ACCSL: variants seen among roughly 807,000 people sequenced by gnomAD.
ACCSL encodes the protein 1-aminocyclopropane-1-carboxylate synthase homolog (inactive) like.
In ACCSL, 55 loss-of-function variants were observed where a neutral mutation model predicts 61.7. The observed-to-expected ratio is 0.89, with a 90% CI of 0.72 to 1.12. The LOEUF (loss-of-function observed/expected upper bound fraction) is 1.12, where lower values mean the gene tolerates loss of function less well. Among genes scored for constraint, ACCSL ranks in the 50% most tolerant of loss-of-function variants. The pLI is 0.00. For synonymous variants in ACCSL, 258 were observed against 264.3 expected (o/e 0.98, Z 0.23); for missense variants, 632 against 698.0 (o/e 0.91, Z 1.07).
At chr11:43,982,307 A>AACCTCC in the ACCSL span, among the ~76,000 whole-genome samples, 2 of 148,238 alleles carry the variant, frequency 1.3e-5, no homozygotes, top group Non-Finnish European at 3.0e-5. Context: ...GGCTCACTGA[A>AACCTCC]ACCTCCACCT....
chr11:43,974,586 T>C, the ACCSL span, among the ~76,000 whole-genome samples: 2 of 152,280 alleles, frequency 1.3e-5, no homozygotes, highest in African/African-American at 4.8e-5. Flanking sequence ...CACCATTCAA[T>C]CCCCAACACC....
At chr11:43,940,599 A>T in the ACCSL span, among the ~76,000 whole-genome samples, 1 of 151,074 alleles carries the variant, frequency 6.6e-6, no homozygotes, top group Non-Finnish European at 1.5e-5. Flanking sequence ...TGACCTTGTG[A>T]TCCGTCCGCC....
rs544210240 is a variant in ACCSL, at chr11:44,054,446, T to C, written c.1050-756T>C. On this transcript the variant is annotated intron_variant, in intron 8 of 13. Transcript: ENST00000378832. Reference sequence around the variant, plus strand: ...ACCTTAGTTTCTTTTTTTCTTTCTTTCTTTTTTTTTTTTGTTTTTTGTTTT... The same window carrying C: ...ACCTTAGTTTCTTTTTTTCTTTCTTCCTTTTTTTTTTTTGTTTTTTGTTTT... Among the ~76,000 whole-genome samples, 567 of 114,536 alleles carry C rather than the reference T, an allele frequency of 5.0e-3. 4 individuals are homozygous for C. Among genetic ancestry groups the C allele is most frequent in the African/African-American group, 0.017 (535 of 30,674 alleles). The allele number at this position is 114,536 out of a possible 152,430, so 75.1% of individuals were successfully genotyped here.
At chr11:43,934,313 G>C in the ACCSL span, among the ~76,000 whole-genome samples, 9,780 of 152,114 alleles carry the variant, frequency 0.064, 767 homozygotes, top group African/African-American at 0.17. Flanking sequence ...TGTGTGGAGG[G>C]CCCCCTGGGG....
At chr11:43,935,258 G>GCA in the ACCSL span, among the ~76,000 whole-genome samples, 1 of 151,292 alleles carries the variant, frequency 6.6e-6, no homozygotes, top group Non-Finnish European at 1.5e-5. Context: ...GCACACACAC[G>GCA]CATACACACA....
the ACCSL span, among the ~76,000 whole-genome samples, chr11:43,934,800 G>GGGACACACT: frequency 2.6e-5 from 4 of 152,184 alleles, no homozygotes; most frequent in African/African-American, 9.7e-5. Flanking sequence ...TGTGCATCCT[G>GGGACACACT]GGACACACTG....
At chr11:43,943,427 C>A in the ACCSL span, 1 of 1,443,530 alleles carries the variant, frequency 6.9e-7, no homozygotes, top group Non-Finnish European at 9.2e-7. The surrounding 1 kb of genome is among the most constrained non-coding windows in gnomAD (Gnocchi z 4.8). Context: ...CGCTGCGAAC[C>A]GGTCGGTGCG....
At chr11:44,021,159 G>C in the ACCSL span, among the ~76,000 whole-genome samples, 1 of 152,098 alleles carries the variant, frequency 6.6e-6, no homozygotes, top group East Asian at 1.9e-4. Context: ...TGGATCAAAT[G>C]GTAGCTCTAG....
chr11:43,960,711 T>C, the ACCSL span, among the ~76,000 whole-genome samples: 1 of 152,194 alleles, frequency 6.6e-6, no homozygotes, highest in Non-Finnish European at 1.5e-5. Context: ...AAAGCAATAC[T>C]GCAGTTTGTC....
At chr11:44,043,058 C>G (rs145407785), upstream of ACCSL, among the ~76,000 whole-genome samples, 854 of 152,020 alleles carry the variant, frequency 5.6e-3, 11 homozygotes, top group African/African-American at 0.019. Context: ...ACTCCAGTCT[C>G]GGTGACAGAG....
At chr11:44,006,901 T>C in the ACCSL span, among the ~76,000 whole-genome samples, 2 of 152,168 alleles carry the variant, frequency 1.3e-5, no homozygotes, top group African/African-American at 2.4e-5. Flanking sequence ...TTATTATTTT[T>C]AGCGATGTTC....
upstream of ACCSL, among the ~76,000 whole-genome samples, chr11:44,043,389 C>A (rs1026979902): frequency 5.3e-5 from 8 of 152,188 alleles, no homozygotes; most frequent in African/African-American, 1.9e-4. Context: ...GAGTTATTTT[C>A]TTTCAGTACA....
chr11:44,014,824 C>G, the ACCSL span, among the ~76,000 whole-genome samples: 3 of 152,274 alleles, frequency 2.0e-5, no homozygotes, highest in East Asian at 3.9e-4. Flanking sequence ...GGAGAGACAC[C>G]TGGTGAGAGA....
In ACCSL at chr11:44,048,425, TTG is replaced by T. The variant is rs1484783203; in HGVS notation, c.391_392del (p.Val131GlnfsTer10). On this transcript the variant is annotated frameshift_variant, in exon 1 of 14. Transcript: ENST00000378832. LOFTEE classifies it high-confidence loss of function. ...CAACTGAGTGATTGTGAAGCTGCCT[TTG>T]TCAACCGCGACCTATCCATCCGTGG... is the stretch of plus-strand genomic sequence containing the variant. 6.2e-7 allele frequency: 1 copy of T among 1,613,964 alleles called. No individual in the cohort carries two copies. The highest frequency in any genetic ancestry group is 2.2e-5 in the East Asian group (1 of 44,852).
chr11:44,016,943 T>C, the ACCSL span, among the ~76,000 whole-genome samples: 1 of 152,176 alleles, frequency 6.6e-6, no homozygotes, highest in Non-Finnish European at 1.5e-5. Context: ...TGAGAATCTC[T>C]GATTCATTTC....
At chr11:44,056,477 G>A in intron 11 of ACCSL, 151 bp downstream of exon 11, 1 of 1,127,346 alleles carries the variant, frequency 8.9e-7, no homozygotes, top group Non-Finnish European at 1.2e-6. Context: ...AGGTTTGAAG[G>A]AGGGCAAGAT....
intron 5 of ACCSL, 44 bp from the exon 6 acceptor site, chr11:44,052,618 T>C (rs1491001499): frequency 3.2e-6 from 5 of 1,558,888 alleles, no homozygotes; most frequent in Non-Finnish European, 4.4e-6. Context: ...CAGGCTCTGA[T>C]TGGGAGACTT....
chr11:43,935,618 CA>C, the ACCSL span, among the ~76,000 whole-genome samples: 18 of 152,378 alleles, frequency 1.2e-4, no homozygotes, highest in Non-Finnish European at 2.4e-4. Flanking sequence ...AGGCCAGACA[CA>C]GAGTGAGTGT....
the ACCSL span, among the ~76,000 whole-genome samples, chr11:44,015,753 C>A: frequency 6.6e-6 from 1 of 152,168 alleles, no homozygotes; most frequent in Non-Finnish European, 1.5e-5. Context: ...GCCTGGGCTG[C>A]GTCATCAGAT....
Sources: allele counts gnomAD v4.1 joint callset (sites outside exome capture counted in the v4.1 genomes callset), GRCh38; gene constraint gnomAD v4.1.1; non-coding constraint Gnocchi (gnomAD v3.1); transcripts MANE v1.5; gene names NCBI Gene and HGNC (gene_info 2026-07-23, HGNC 2026-07-21).